The following MSR1 variants were observed in gnomAD, a reference collection of about 807,000 sequenced individuals.
MSR1 encodes the protein macrophage scavenger receptor types I and II.
In MSR1, 53 loss-of-function variants were observed where a neutral mutation model predicts 47.2. That is an observed-to-expected ratio of 1.12 (90% CI 0.90 to 1.41). The LOEUF is 1.41. MSR1 is among the 40% of genes most tolerant of loss of function. The pLI, the probability that MSR1 is intolerant of heterozygous loss-of-function variation, is 0.00. For missense variants in MSR1, 786 were observed against 546.9 expected (o/e 1.44, Z -4.36); for synonymous variants, 239 against 185.6 (o/e 1.29, Z -2.34).
At chr8:16,123,132 A>C (rs920118925) in intron 8 of MSR1, among the ~76,000 whole-genome samples, 1 of 152,114 alleles carries the variant, frequency 6.6e-6, no homozygotes, top group Non-Finnish European at 1.5e-5. Context: ...GGCATAAGCC[A>C]CGGCACCCGG....
At chr8:16,110,370 A>G (rs564419064) in intron 9 of MSR1, 152 bp from the exon 10 acceptor site, 50 of 825,304 alleles carry the variant, frequency 6.1e-5, no homozygotes, top group Non-Finnish European at 9.5e-5. Context: ...GGAATCAAAA[A>G]TTAATCTCCT....
chr8:16,164,578 A>T (rs1428839808), intron 4 of MSR1, among the ~76,000 whole-genome samples: 1 of 152,042 alleles, frequency 6.6e-6, no homozygotes, highest in Non-Finnish European at 1.5e-5. Flanking sequence ...GTCTTAATTT[A>T]TCTGAAGTAA....
intron 1 of MSR1, among the ~76,000 whole-genome samples, chr8:16,183,324 C>T (rs1801890845): frequency 6.6e-6 from 1 of 151,858 alleles, no homozygotes; most frequent in African/African-American, 2.4e-5. Context: ...TGATAAACAT[C>T]TTTACACTCT....
chr8:16,157,330 G>C lies in MSR1; in HGVS notation c.818-2186C>G, dbSNP rs545251453. On this transcript the variant is annotated intron_variant, in intron 5 of 9. Coordinates refer to ENST00000262101, the MANE Select transcript of MSR1 (RefSeq NM_138715.3). ...TTATGGGAACTGTATACTTAATTTT[G>C]GAGTATTAGTTCAATCACAGCGAAT... is the stretch of plus-strand genomic sequence containing the variant. Among the ~76,000 whole-genome samples, 5 of 151,790 alleles carry C rather than the reference G, an allele frequency of 3.3e-5. No individual in the cohort carries two copies. The South Asian group carries it at 1.0e-3, about 32-fold the overall frequency.
In MSR1 at chr8:16,122,296, G is replaced by A. The variant is rs534343986; in HGVS notation, c.1034-1690C>T. Among the ~76,000 whole-genome samples, 17 of 152,168 alleles carry A rather than the reference G, an allele frequency of 1.1e-4. 1 individual carries two copies. The South Asian group carries it at 2.9e-3, about 26-fold the overall frequency. ...GTAATTGCCTAAAGAAAACGAGAAA[G>A]AAAAATCCAAGAATGGATTGTGAGA... On this transcript the variant is annotated intron_variant, in intron 8 of 9. Transcript: ENST00000262101.
intron 4 of MSR1, among the ~76,000 whole-genome samples, chr8:16,164,453 A>G (rs570909577): frequency 6.6e-6 from 1 of 152,056 alleles, no homozygotes; most frequent in East Asian, 1.9e-4. Flanking sequence ...GAATGGCTGA[A>G]TGTTTACAAT....
rs377417306 is a variant in MSR1, at chr8:16,183,619, AAT to A, written c.-4-5629_-4-5628del. Among the ~76,000 whole-genome samples, 14 of 89,388 alleles carry A rather than the reference AAT, an allele frequency of 1.6e-4. 1 individual carries two copies. The highest frequency in any genetic ancestry group is 1.4e-3 in the Admixed American group (8 of 5,782). 58.6% of individuals were successfully genotyped at this position (89,388 alleles called of 152,430 possible). A position where few individuals can be genotyped will look rare whatever the true frequency, so the allele number is the denominator to read the frequency against. On this transcript the variant is annotated intron_variant, in intron 1 of 9. Transcript: ENST00000262101. The stretch of plus-strand genomic sequence containing the variant: ...TATATTATATAATAGGCAAATATAT[AAT>A]ATATATAATATATAATATAATAAAT...
intron 1 of MSR1, among the ~76,000 whole-genome samples, chr8:16,184,622 T>C (rs1168442165): frequency 2.0e-5 from 3 of 152,260 alleles, no homozygotes; most frequent in East Asian, 1.9e-4. Context: ...AAATATAACA[T>C]TGAATTACTA....
rs879756579 is a variant in MSR1, at chr8:16,109,489, C to T, written c.*596G>A. The T allele has an allele frequency of 1.3e-5, 2 of 153,918 alleles. No homozygotes were observed. The highest frequency in any genetic ancestry group is 2.4e-5 in the African/African-American group (1 of 41,440). 9.5% of individuals were successfully genotyped at this position (153,918 alleles called of 1,614,324 possible). ...TGATTCAATTAAACAGTTGTCAGTA[C>T]ATGACAAGAAAAATAAGCTCCCTGG... On this transcript the variant is annotated 3_prime_UTR_variant, in exon 10 of 10. Coordinates refer to ENST00000262101, the MANE Select transcript of MSR1 (RefSeq NM_138715.3).
intron 1 of MSR1, among the ~76,000 whole-genome samples, chr8:16,182,388 T>G (rs188433678): frequency 6.6e-6 from 1 of 152,142 alleles, no homozygotes; most frequent in Admixed American, 6.6e-5. Context: ...ATAAAAAATT[T>G]TATTTGTTCA....
intron 1 of MSR1, among the ~76,000 whole-genome samples, chr8:16,183,951 T>G (rs1396298791): frequency 6.8e-6 from 1 of 147,870 alleles, no homozygotes; most frequent in Admixed American, 6.9e-5. Context: ...TTAACTCTTT[T>G]GGGGAAGTGG....
chr8:16,152,601 A>T (rs771490134), intron 6 of MSR1, among the ~76,000 whole-genome samples: 9 of 152,018 alleles, frequency 5.9e-5, no homozygotes, highest in Non-Finnish European at 1.2e-4. Context: ...AGCCCCACCC[A>T]TGCCTACAGG....
intron 1 of MSR1, among the ~76,000 whole-genome samples, chr8:16,181,430 A>C (rs1801828788): frequency 6.6e-6 from 1 of 152,338 alleles, no homozygotes; most frequent in East Asian, 1.9e-4. Flanking sequence ...TTGGATAAAG[A>C]AAATGTGGCA....
chr8:16,134,036 T>C (rs2410387), intron 8 of MSR1, among the ~76,000 whole-genome samples: 4,637 of 152,244 alleles, frequency 0.03, 215 homozygotes, highest in African/African-American at 0.11. Context: ...TGCTGCAGGG[T>C]TCATCTTCAA....
chr8:16,168,583 G>A lies in MSR1; in HGVS notation c.505C>T (p.His169Tyr). The change falls in exon 4 of 10, where the codon CAT (histidine) becomes TAT (tyrosine). Residue 169 changes from histidine to tyrosine, a missense_variant. By Grantham distance (83) the His-to-Tyr change is moderately conservative. Transcript: ENST00000262101. Reference protein sequence around the residue: ...LSTLFSSVQGHGNAIDEISKS... With the variant: ...LSTLFSSVQGYGNAIDEISKS... ...GAGATTTCATCTATTGCATTCCCATGTCCCTGGACTGAGGAAAACAAGGTA... is the reference window on the plus strand; with the variant it reads ...GAGATTTCATCTATTGCATTCCCATATCCCTGGACTGAGGAAAACAAGGTA... 2 of 1,614,116 alleles carry A rather than the reference G, an allele frequency of 1.2e-6. No individual in the cohort carries two copies. Among genetic ancestry groups the A allele is most frequent in the Non-Finnish European group, 1.7e-6 (2 of 1,180,004 alleles).
chr8:16,130,211 C>G (rs540700984), intron 8 of MSR1, among the ~76,000 whole-genome samples: 1 of 152,206 alleles, frequency 6.6e-6, no homozygotes, highest in East Asian at 1.9e-4. Flanking sequence ...CAGGTATATC[C>G]TGTTTTATTG....
At chr8:16,163,808 A>G (rs1801226915) in intron 5 of MSR1, among the ~76,000 whole-genome samples, 1 of 152,004 alleles carries the variant, frequency 6.6e-6, no homozygotes, top group East Asian at 1.9e-4. Flanking sequence ...CTTATGAGGT[A>G]GTTTTTAACA....
chr8:16,141,066 G>A (rs1800544558), intron 8 of MSR1: 3 of 1,611,488 alleles, frequency 1.9e-6, no homozygotes, highest in East Asian at 2.2e-5. Flanking sequence ...TATAAAGGAG[G>A]AAATTAATTA....
chr8:16,144,313 A>AG lies in MSR1; in HGVS notation c.980-703dup, dbSNP rs1373622166. 3.3e-5 allele frequency among the ~76,000 whole-genome samples: 5 copies of AG among 152,228 alleles called. No individual in the cohort carries two copies. In the East Asian group the frequency reaches 9.7e-4, roughly 29 times the overall value. On this transcript the variant is annotated intron_variant, in intron 7 of 9. Transcript: ENST00000262101. ...TGCAGGAGATCTTTCTTTAGTACCAAGAAATCTCTTAAGATTGGTGCTGTT... is the reference window on the plus strand; with the variant it reads ...TGCAGGAGATCTTTCTTTAGTACCAAGGAAATCTCTTAAGATTGGTGCTGTT...
Sources: gnomAD v4.1 joint callset for allele counts (sites outside exome capture counted in the v4.1 genomes callset) on GRCh38, gnomAD v4.1.1 for gene constraint, MANE v1.5 for transcripts, NCBI Gene and HGNC (gene_info 2026-07-23, HGNC 2026-07-21) for gene names.